The following HDAC4 variants were observed in gnomAD, a reference collection of about 807,000 sequenced individuals.
HDAC4 encodes the protein histone deacetylase A.
HDAC4 carries 16 observed loss-of-function variants against 135.1 expected under a neutral mutation model. The ratio of observed to expected loss-of-function variants is 0.12; its 90% CI spans 0.08 to 0.18. HDAC4 has a LOEUF of 0.18. Ranked by LOEUF, HDAC4 falls within the 10% of genes least tolerant of loss-of-function variation. HDAC4 has a pLI of 1.00. For synonymous variants in HDAC4, 685 were observed against 653.4 expected, an observed-to-expected ratio of 1.05 and a Z score of -0.74; for missense variants, 1,143 against 1,511.8, an observed-to-expected ratio of 0.76 and a Z score of 4.05.
intron 18 of HDAC4, chr2:239,089,767 T>C (rs1462155270): frequency 1.9e-6 from 1 of 518,866 alleles, no homozygotes; most frequent in African/African-American, 1.9e-5. Context: ...TTTAAGAGTA[T>C]AAAGGGTTCT....
rs745882341 is a variant in HDAC4 at position 239,352,668 on chromosome 2, C to G, written c.22+10G>C. 1.9e-6 allele frequency: 3 copies of G among 1,554,676 alleles called. No individual in the cohort carries two copies. Among genetic ancestry groups the G allele is most frequent in the African/African-American group, 2.7e-5 (2 of 73,326 alleles). On this transcript the variant is annotated intron_variant, in intron 2 of 26. Transcript: ENST00000543185. The surrounding 1 kb of genome is among the most constrained non-coding windows in gnomAD (Gnocchi z 4.4). ...GCTGTGTGCCCAGAGAAGAAATGAC[C>G]CGGCCTTACCTGGATGGCTTTGGGA...
intron 3 of HDAC4, among the ~76,000 whole-genome samples, chr2:239,227,335 C>T (rs976734088): frequency 3.9e-5 from 6 of 152,130 alleles, no homozygotes; most frequent in Non-Finnish European, 5.9e-5. Flanking sequence ...CGTGAGGTGT[C>T]CTGGTCTTCC....
chr2:239,399,819 G>C (rs969240596), intron 1 of HDAC4, among the ~76,000 whole-genome samples: 3 of 152,236 alleles, frequency 2.0e-5, no homozygotes, highest in African/African-American at 7.2e-5. Flanking sequence ...ATTTAGTGAA[G>C]AAAGTCATTA....
intron 9 of HDAC4, among the ~76,000 whole-genome samples, chr2:239,138,709 T>C (rs1299398276): frequency 1.3e-5 from 2 of 152,090 alleles, no homozygotes; most frequent in East Asian, 3.9e-4. Context: ...GCTCTGGGGG[T>C]GGCCTCTCCT....
At chr2:239,373,266 C>T (rs891224685) in intron 1 of HDAC4, among the ~76,000 whole-genome samples, 2 of 152,304 alleles carry the variant, frequency 1.3e-5, no homozygotes, top group Admixed American at 6.5e-5. Context: ...CACCATCTCT[C>T]TTGCCATATT....
chr2:239,256,703 G>A (rs995851767), intron 2 of HDAC4, among the ~76,000 whole-genome samples: 1 of 152,232 alleles, frequency 6.6e-6, no homozygotes, highest in African/African-American at 2.4e-5. Context: ...GGGACTGGAT[G>A]GGCAGATGAC....
intron 1 of HDAC4, among the ~76,000 whole-genome samples, chr2:239,374,739 T>C (rs995296493): frequency 6.6e-6 from 1 of 152,224 alleles, no homozygotes; most frequent in African/African-American, 2.4e-5. Context: ...TCATGTGTGC[T>C]AAATGGGATA....
At chr2:239,162,917 A>G (rs1277198959) in intron 6 of HDAC4, among the ~76,000 whole-genome samples, 2 of 152,116 alleles carry the variant, frequency 1.3e-5, no homozygotes, top group Non-Finnish European at 2.9e-5. Flanking sequence ...TTTTCCAACG[A>G]AATTACTGAT....
intron 4 of HDAC4, among the ~76,000 whole-genome samples, chr2:239,180,799 A>C (rs1358845650): frequency 6.6e-6 from 1 of 152,228 alleles, no homozygotes; most frequent in African/African-American, 2.4e-5. Flanking sequence ...CCCCAGGCAG[A>C]AACCGCCTGC....
intron 3 of HDAC4, among the ~76,000 whole-genome samples, chr2:239,233,135 G>A (rs1229258068): frequency 6.6e-6 from 1 of 152,224 alleles, no homozygotes; most frequent in Non-Finnish European, 1.5e-5. Flanking sequence ...ATGGTTATGT[G>A]TTTTCTTTTA....
chr2:239,253,474 T>C (rs1340258210), intron 2 of HDAC4, among the ~76,000 whole-genome samples: 1 of 152,200 alleles, frequency 6.6e-6, no homozygotes, highest in African/African-American at 2.4e-5. Flanking sequence ...TGTGTACTCC[T>C]TGCTTTGATG....
rs552215798 is a variant in HDAC4, at chr2:239,369,946, G to C, written c.-219-17028C>G. 1.3e-4 allele frequency among the ~76,000 whole-genome samples: 20 copies of C among 152,366 alleles called. No homozygotes were observed. The South Asian group carries it at 4.1e-3, about 32-fold the overall frequency. ...ACTTCCCATTCCTCCCTGGTGGGCG[G>C]AGAGAATCATAGGACCGCCACATCC... is the stretch of plus-strand genomic sequence containing the variant. On this transcript the variant is annotated intron_variant, in intron 1 of 26. Transcript: ENST00000543185.
At chr2:239,343,873 G>GT (rs34847938) in intron 2 of HDAC4, among the ~76,000 whole-genome samples, 36,268 of 152,114 alleles carry the variant, frequency 0.24, 4,686 homozygotes, top group African/African-American at 0.32. Context: ...CTCGATAGCA[G>GT]TAACACTGGT....
intron 1 of HDAC4, among the ~76,000 whole-genome samples, chr2:239,367,920 G>A (rs1188613344): frequency 1.3e-5 from 2 of 152,018 alleles, no homozygotes; most frequent in Non-Finnish European, 2.9e-5. Context: ...GGAGGTGGCA[G>A]TGAGCCGAGA....
intron 3 of HDAC4, among the ~76,000 whole-genome samples, chr2:239,191,973 C>T (rs1237080211): frequency 6.6e-6 from 1 of 152,272 alleles, no homozygotes; most frequent in Admixed American, 6.5e-5. Flanking sequence ...ATGAAATCCT[C>T]CTCTCTGACT....
At chr2:239,351,069 A>G (rs779506201) in intron 2 of HDAC4, among the ~76,000 whole-genome samples, 1 of 152,228 alleles carries the variant, frequency 6.6e-6, no homozygotes, top group African/African-American at 2.4e-5. Context: ...ATCCTCTTAC[A>G]CTGGAATTAG....
chr2:239,120,403 A>ACGCACACACAGACG, intron 12 of HDAC4, among the ~76,000 whole-genome samples: 1 of 129,242 alleles, frequency 7.7e-6, no homozygotes, highest in South Asian at 2.6e-4. Context: ...ACGCACACAG[A>ACGCACACACAGACG]CACACACACA....
At chr2:239,121,752 T>C (rs2152833617) in intron 12 of HDAC4, among the ~76,000 whole-genome samples, 1 of 152,342 alleles carries the variant, frequency 6.6e-6, no homozygotes, top group South Asian at 2.1e-4. Context: ...CAGAGCCCTC[T>C]GTGACGCAGG....
At chr2:239,320,534 TTC>T (rs2053274489) in intron 2 of HDAC4, among the ~76,000 whole-genome samples, 2 of 152,210 alleles carry the variant, frequency 1.3e-5, no homozygotes, top group South Asian at 2.1e-4. Flanking sequence ...GGTAGGACTC[TTC>T]TGTTATGTAA....
Sources: allele counts gnomAD v4.1 joint callset (sites outside exome capture counted in the v4.1 genomes callset), GRCh38; gene constraint gnomAD v4.1.1; non-coding constraint Gnocchi (gnomAD v3.1); transcripts MANE v1.5; gene names NCBI Gene and HGNC (gene_info 2026-07-23, HGNC 2026-07-21).